TTC29: variants seen among roughly 807,000 people sequenced by gnomAD.
TTC29 encodes tetratricopeptide repeat protein 29.
A neutral mutation model predicts 58.1 loss-of-function variants in TTC29; 49 were observed. The ratio of observed to expected loss-of-function variants is 0.84; its 90% CI spans 0.67 to 1.07. TTC29 has a LOEUF of 1.07. TTC29 is among the 50% of genes least tolerant of loss of function. The pLI is 0.00. For synonymous variants in TTC29, 209 were observed against 196.8 expected (o/e 1.06, Z -0.52); for missense variants, 582 against 555.6 (o/e 1.05, Z -0.48).
chr4:146,870,483 A>G (rs1730860005), intron 7 of TTC29, among the ~76,000 whole-genome samples: 1 of 152,000 alleles, frequency 6.6e-6, no homozygotes, highest in Non-Finnish European at 1.5e-5. Flanking sequence ...AGGAAATAGG[A>G]AAAACTTGAG....
Position 146,903,560 on chromosome 4 carries a change from A to G in TTC29, c.570T>C (p.Leu190=), listed in dbSNP as rs564636615. ...KEAEAHMHMG[L]LYEEDGQLLE... ...CCCACTCACCATCTTCCTCGTAGAGAAGACCCATATGCATGTGTGCCTCGG... is the reference window on the plus strand; with the variant it reads ...CCCACTCACCATCTTCCTCGTAGAGGAGACCCATATGCATGTGTGCCTCGG... Residue 190 remains leucine (L), a synonymous_variant, in exon 6 of 13, where the codon CTT becomes CTC. Coordinates refer to ENST00000325106, the MANE Select transcript of TTC29 (RefSeq NM_031956.4). The G allele has an allele frequency of 1.4e-4, 225 of 1,610,698 alleles. 3 individuals carry two copies. The South Asian group carries it at 2.2e-3, about 16-fold the overall frequency.
chr4:146,872,627 G>GA (rs937502844), intron 7 of TTC29, among the ~76,000 whole-genome samples: 3 of 151,686 alleles, frequency 2.0e-5, no homozygotes, highest in South Asian at 2.1e-4. Context: ...AGAAGCACAT[G>GA]AAAAAAAATG....
rs74733463 is a variant in TTC29 at position 146,738,261 on chromosome 4, T to G, written c.1331-30710A>C. Among the ~76,000 whole-genome samples the G allele has an allele frequency of 5.8e-3, 882 of 152,250 alleles. 1 individual carries two copies. The highest frequency in any genetic ancestry group is 0.01 in the Middle Eastern group (3 of 294). On this transcript the variant is annotated intron_variant, in intron 11 of 12. Coordinates refer to ENST00000325106, the MANE Select transcript of TTC29 (RefSeq NM_031956.4). ...AGCTGATGGTGAAGAAATGGATAAA[T>G]GGGTTATAAATGGAGAGAAATCCAA... is the stretch of plus-strand genomic sequence containing the variant.
chr4:146,834,142 T>A (rs562963216), intron 8 of TTC29, among the ~76,000 whole-genome samples: 1 of 152,338 alleles, frequency 6.6e-6, no homozygotes, highest in East Asian at 1.9e-4. Context: ...CTTGCATAAT[T>A]GCCCAAATCT....
chr4:146,921,980 TAA>T (rs1418450925), intron 4 of TTC29, among the ~76,000 whole-genome samples: 1 of 117,014 alleles, frequency 8.5e-6, no homozygotes, highest in African/African-American at 3.4e-5. Context: ...TAAGCATGAG[TAA>T]AGATTTACTT....
At chr4:146,811,256 A>G (rs1211305489) in intron 10 of TTC29, among the ~76,000 whole-genome samples, 1 of 152,174 alleles carries the variant, frequency 6.6e-6, no homozygotes, top group East Asian at 1.9e-4. Context: ...CGTATATATT[A>G]TGTCATTAAC....
intron 11 of TTC29, among the ~76,000 whole-genome samples, chr4:146,792,793 T>C (rs2150105013): frequency 6.6e-6 from 1 of 152,324 alleles, no homozygotes; most frequent in South Asian, 2.1e-4. Context: ...AAAGGATTCA[T>C]CATTCTAGAT....
intron 6 of TTC29, among the ~76,000 whole-genome samples, chr4:146,897,075 G>A (rs1006049368): frequency 6.6e-6 from 1 of 152,070 alleles, no homozygotes; most frequent in African/African-American, 2.4e-5. Flanking sequence ...CAAGCAGAGT[G>A]GACAGTCTCC....
intron 10 of TTC29, among the ~76,000 whole-genome samples, chr4:146,818,522 G>A (rs1194518896): frequency 2.6e-5 from 4 of 152,236 alleles, no homozygotes; most frequent in Non-Finnish European, 4.4e-5. Flanking sequence ...GGAAGTCAGT[G>A]TGGCAATTCC....
chr4:146,714,337 C>A (rs1177330077), intron 11 of TTC29, among the ~76,000 whole-genome samples: 2 of 151,912 alleles, frequency 1.3e-5, no homozygotes, highest in Non-Finnish European at 2.9e-5. Flanking sequence ...CATTAATAAA[C>A]TTGAAGACAG....
chr4:146,741,307 G>T (rs1020055128), intron 11 of TTC29, among the ~76,000 whole-genome samples: 1 of 152,052 alleles, frequency 6.6e-6, no homozygotes, highest in Non-Finnish European at 1.5e-5. Flanking sequence ...AGTGGGCTTT[G>T]CTTACCCAGT....
intron 11 of TTC29, among the ~76,000 whole-genome samples, chr4:146,731,033 A>G (rs1744291689): frequency 6.6e-6 from 1 of 152,206 alleles, no homozygotes. Flanking sequence ...GATGCAGAGC[A>G]GAGAATTGTT....
At chr4:146,722,276 C>T (rs1179666616) in intron 11 of TTC29, among the ~76,000 whole-genome samples, 1 of 152,140 alleles carries the variant, frequency 6.6e-6, no homozygotes, top group African/African-American at 2.4e-5. Context: ...CTGTTCCTAT[C>T]AAGCTACCAA....
chr4:146,741,761 C>A (rs1179439752), intron 11 of TTC29, among the ~76,000 whole-genome samples: 1 of 152,124 alleles, frequency 6.6e-6, no homozygotes, highest in Non-Finnish European at 1.5e-5. Context: ...AGCCTTTGCC[C>A]TTTCTGGATT....
At chr4:146,936,730 A>G (rs928609916) in intron 4 of TTC29, among the ~76,000 whole-genome samples, 2 of 152,126 alleles carry the variant, frequency 1.3e-5, no homozygotes, top group Admixed American at 1.3e-4. Context: ...CAAGAGACTT[A>G]GAACTTTAGA....
chr4:146,715,139 ATAAG>A (rs1742836589), intron 11 of TTC29, among the ~76,000 whole-genome samples: 1 of 152,152 alleles, frequency 6.6e-6, no homozygotes, highest in Non-Finnish European at 1.5e-5. Flanking sequence ...TGCCTGGCCT[ATAAG>A]ATTCTTATAC....
At chr4:146,800,414 T>C (rs1255920487) in intron 11 of TTC29, among the ~76,000 whole-genome samples, 2 of 152,216 alleles carry the variant, frequency 1.3e-5, no homozygotes, top group African/African-American at 4.8e-5. Context: ...AATGTATCTT[T>C]CAGATCTTTG....
chr4:146,746,257 C>A (rs1292321105), intron 11 of TTC29, among the ~76,000 whole-genome samples: 1 of 152,156 alleles, frequency 6.6e-6, no homozygotes, highest in Non-Finnish European at 1.5e-5. Context: ...AAGTGAGCAA[C>A]AAGTCAGCAC....
chr4:146,768,548 A>C (rs1747492798), intron 11 of TTC29, among the ~76,000 whole-genome samples: 1 of 152,022 alleles, frequency 6.6e-6, no homozygotes, highest in African/African-American at 2.4e-5. Context: ...TTAAAGAAAA[A>C]GATGACAATT....
Sources: allele counts gnomAD v4.1 joint callset (sites outside exome capture counted in the v4.1 genomes callset), GRCh38; gene constraint gnomAD v4.1.1; transcripts MANE v1.5; gene names NCBI Gene and HGNC (gene_info 2026-07-23, HGNC 2026-07-21).